The following GRK5 variants were observed in gnomAD, a reference collection of about 807,000 sequenced individuals.
GRK5 encodes the protein G protein-coupled receptor kinase 5.
GRK5 carries 40 observed loss-of-function variants against 78.4 expected under a neutral mutation model. That is an observed-to-expected ratio of 0.51 (90% CI 0.40 to 0.66). The LOEUF is 0.66. Among genes scored for constraint, GRK5 ranks in the 30% least tolerant of loss-of-function variants. The probability of loss-of-function intolerance (pLI) is 0.00; values close to 1 mark genes in which losing one functional copy is unlikely to be tolerated. For missense variants in GRK5, 598 were observed against 759.9 expected, an observed-to-expected ratio of 0.79 and a Z score of 2.50; for synonymous variants, 289 against 296.8, an observed-to-expected ratio of 0.97 and a Z score of 0.27.
At chr10:119,411,722 C>T (rs1031616248) in intron 4 of GRK5, among the ~76,000 whole-genome samples, 12 of 152,032 alleles carry the variant, frequency 7.9e-5, no homozygotes, top group African/African-American at 2.9e-4. Context: ...CTCTGTCTCC[C>T]AAGATAGAGC....
Position 119,452,592 on chromosome 10 carries a change from C to T in GRK5, c.1405-79C>T, listed in dbSNP as rs113584992. 4 of 1,570,422 alleles carry T rather than the reference C, an allele frequency of 2.5e-6. No individual in the cohort carries two copies. In the African/African-American group the frequency reaches 5.4e-5, roughly 21 times the overall value. ...TCCTGGGAAGACTCCCTTCTGCTCCCCAAAACCCCAAGGCCTGGCTCGGGG... is the reference window on the plus strand; with the variant it reads ...TCCTGGGAAGACTCCCTTCTGCTCCTCAAAACCCCAAGGCCTGGCTCGGGG... On this transcript the variant is annotated intron_variant, in intron 13 of 15. Coordinates refer to ENST00000392870, the MANE Select transcript of GRK5 (RefSeq NM_005308.3). This position sits in a 1 kb window ranked among gnomAD's most constrained non-coding sequence, Gnocchi z 4.4.
At chr10:119,436,988 A>T in intron 9 of GRK5, 147 bp downstream of exon 9, 1 of 764,364 alleles carries the variant, frequency 1.3e-6, no homozygotes, top group Non-Finnish European at 2.0e-6. Context: ...CAGACTTTCC[A>T]CTCCAGGAAG....
intron 3 of GRK5, among the ~76,000 whole-genome samples, chr10:119,390,318 T>C (rs1851867721): frequency 6.6e-6 from 1 of 152,170 alleles, no homozygotes; most frequent in Non-Finnish European, 1.5e-5. Context: ...ACAGTCATGA[T>C]GGAAGGTGAA....
chr10:119,432,537 C>T (rs555185951), intron 8 of GRK5, among the ~76,000 whole-genome samples: 1 of 152,346 alleles, frequency 6.6e-6, no homozygotes, highest in East Asian at 1.9e-4. Flanking sequence ...AAACGAAAAG[C>T]TTCCCTCTTT....
chr10:119,234,994 A>C (rs1848899548), intron 1 of GRK5, among the ~76,000 whole-genome samples: 1 of 151,634 alleles, frequency 6.6e-6, no homozygotes, highest in Admixed American at 6.6e-5. Context: ...AATTTTTTTG[A>C]GATGGAGTCT....
At position 119,412,551 on chromosome 10, in the gene GRK5, T is replaced by C. The variant is rs140049951; in HGVS notation, c.340-10615T>C. 1.3e-3 allele frequency among the ~76,000 whole-genome samples: 204 copies of C among 152,334 alleles called. 1 individual carries two copies. Among genetic ancestry groups the C allele is most frequent in the Non-Finnish European group, 2.6e-3 (176 of 68,018 alleles). On this transcript the variant is annotated intron_variant, in intron 4 of 15. Coordinates refer to ENST00000392870, the MANE Select transcript of GRK5 (RefSeq NM_005308.3). The surrounding 1 kb of genome is among the most constrained non-coding windows in gnomAD (Gnocchi z 4.3). ...TGCCTTCTTTCCTTTGGTCTGTTCT[T>C]GTCTGGGGCTTGTGGATCACGTCTC...
rs192990699 is a variant in GRK5, at chr10:119,216,756, C to G, written c.52+8787C>G. 8.5e-5 allele frequency among the ~76,000 whole-genome samples: 13 copies of G among 152,162 alleles called. No individual in the cohort carries two copies. The East Asian group carries it at 1.7e-3, about 20-fold the overall frequency. ...TCACTTGCGGTCAGGAGTTCAAGAT[C>G]AGCCTGACCACCGTGGTGAAAACCC... On this transcript the variant is annotated intron_variant, in intron 1 of 15. Transcript: ENST00000392870.
chr10:119,292,712 A>G (rs1229407673), intron 1 of GRK5, among the ~76,000 whole-genome samples: 1 of 152,198 alleles, frequency 6.6e-6, no homozygotes, highest in Admixed American at 6.5e-5. Flanking sequence ...ATATTTGCAT[A>G]TAACCTATAC....
Position 119,230,214 on chromosome 10 carries a change from G to A in GRK5, c.52+22245G>A, listed in dbSNP as rs182579228. Among the ~76,000 whole-genome samples the A allele has an allele frequency of 3.4e-4, 52 of 152,226 alleles. 1 individual carries two copies. In the East Asian group the frequency reaches 5.8e-3, roughly 17 times the overall value. Reference sequence around the variant, plus strand: ...AGGCAAAAAATAGCCGGCCAGGTACGGTAGCTCACGCCTGTAATCCTAGCA... The same window carrying A: ...AGGCAAAAAATAGCCGGCCAGGTACAGTAGCTCACGCCTGTAATCCTAGCA... On this transcript the variant is annotated intron_variant, in intron 1 of 15. Transcript: ENST00000392870.
At chr10:119,214,533 G>GT (rs1224017586) in intron 1 of GRK5, among the ~76,000 whole-genome samples, 5 of 152,008 alleles carry the variant, frequency 3.3e-5, no homozygotes, top group Non-Finnish European at 7.4e-5. Context: ...GTTTTGTTTT[G>GT]TTTTTTGAGA....
chr10:119,213,900 C>T (rs1848527913), intron 1 of GRK5, among the ~76,000 whole-genome samples: 1 of 152,132 alleles, frequency 6.6e-6, no homozygotes, highest in African/African-American at 2.4e-5. Context: ...GGGTGTCAGC[C>T]TCAGATAATA....
At chr10:119,437,980 C>A (rs1206653969) in intron 9 of GRK5, among the ~76,000 whole-genome samples, 1 of 152,168 alleles carries the variant, frequency 6.6e-6, no homozygotes, top group Non-Finnish European at 1.5e-5. Flanking sequence ...CGCCTGTAGT[C>A]CCAGATACTT....
intron 2 of GRK5, among the ~76,000 whole-genome samples, chr10:119,350,610 C>G (rs1200701280): frequency 6.6e-6 from 1 of 152,202 alleles, no homozygotes; most frequent in African/African-American, 2.4e-5. Context: ...GTGCAACCCT[C>G]TTTCAGAAGG....
chr10:119,394,294 C>CCGTGTATCTATGTGTGGGTGCGTG (rs1564916955), intron 3 of GRK5, among the ~76,000 whole-genome samples: 12 of 4,034 alleles, frequency 3.0e-3, no homozygotes, highest in African/African-American at 5.7e-3. Flanking sequence ...GGGTGTGTAT[C>CCGTGTATCTATGTGTGGGTGCGTG]TGTGTGTCTG....
intron 6 of GRK5, among the ~76,000 whole-genome samples, chr10:119,425,758 A>C (rs1427661178): frequency 2.0e-5 from 3 of 152,260 alleles, no homozygotes; most frequent in Non-Finnish European, 4.4e-5. Flanking sequence ...GGGGGAGACC[A>C]AGTGTCTTTT....
At chr10:119,254,733 GGATGTAT>G (rs762712419) in intron 1 of GRK5, among the ~76,000 whole-genome samples, 2 of 152,022 alleles carry the variant, frequency 1.3e-5, no homozygotes, top group African/African-American at 2.4e-5. Flanking sequence ...AGGGACCTTG[GGATGTAT>G]GATGTATTTT....
At chr10:119,224,466 T>C (rs1025872061) in intron 1 of GRK5, among the ~76,000 whole-genome samples, 1 of 152,166 alleles carries the variant, frequency 6.6e-6, no homozygotes, top group Non-Finnish European at 1.5e-5. Context: ...TGGAGTGCAA[T>C]GGCACGATCT....
chr10:119,269,218 C>T (rs1024392097), intron 1 of GRK5, among the ~76,000 whole-genome samples: 7 of 152,210 alleles, frequency 4.6e-5, no homozygotes, highest in African/African-American at 1.7e-4. Flanking sequence ...CGCGTTCCCC[C>T]TGCTTGTTGA....
chr10:119,295,189 C>T (rs1850059186), intron 1 of GRK5, among the ~76,000 whole-genome samples: 1 of 81,098 alleles, frequency 1.2e-5, no homozygotes, highest in Non-Finnish European at 2.4e-5. Flanking sequence ...GACTCAGTCT[C>T]AAAAAAAAAA....
Sources: allele counts gnomAD v4.1 joint callset (sites outside exome capture counted in the v4.1 genomes callset), GRCh38; gene constraint gnomAD v4.1.1; non-coding constraint Gnocchi (gnomAD v3.1); transcripts MANE v1.5; gene names NCBI Gene and HGNC (gene_info 2026-07-23, HGNC 2026-07-21).